DNAAF11: variants seen among roughly 807,000 people sequenced by gnomAD.
The protein encoded by DNAAF11 is dynein axonemal assembly factor 11, also known as leucine rich repeat containing 6.
DNAAF11 carries 45 observed loss-of-function variants against 60.8 expected under a neutral mutation model. That is an observed-to-expected ratio of 0.74 (90% CI 0.58 to 0.95). The LOEUF (loss-of-function observed/expected upper bound fraction) is 0.95, where lower values mean the gene tolerates loss of function less well. Ranked by LOEUF, DNAAF11 falls within the 40% of genes least tolerant of loss-of-function variation. The pLI, the probability that DNAAF11 is intolerant of heterozygous loss-of-function variation, is 0.00. For synonymous variants in DNAAF11, 191 were observed against 183.5 expected, an observed-to-expected ratio of 1.04 and a Z score of -0.33; for missense variants, 546 against 546.2, an observed-to-expected ratio of 1.00 and a Z score of 0.00.
intron 10 of DNAAF11, among the ~76,000 whole-genome samples, chr8:132,592,941 G>T (rs1039436086): frequency 3.9e-5 from 6 of 151,940 alleles, no homozygotes; most frequent in Non-Finnish European, 8.8e-5. Context: ...TGAAAATCCT[G>T]CAAATACATA....
intron 10 of DNAAF11, among the ~76,000 whole-genome samples, chr8:132,603,857 G>T (rs924795563): frequency 6.6e-6 from 1 of 152,100 alleles, no homozygotes; most frequent in Non-Finnish European, 1.5e-5. Flanking sequence ...ACTGCCAAAG[G>T]CGGGGGCGGA....
the DNAAF11 span, chr8:132,687,422 C>T: frequency 9.2e-6 from 3 of 324,942 alleles, no homozygotes; most frequent in Admixed American, 4.4e-5. Flanking sequence ...ATAATGAAGT[C>T]ATAATTATCC....
At chr8:132,642,105 C>G (rs1301819632) in intron 3 of DNAAF11, among the ~76,000 whole-genome samples, 2 of 152,084 alleles carry the variant, frequency 1.3e-5, no homozygotes, top group African/African-American at 4.8e-5. Context: ...TATATAAATA[C>G]AGAAAATACA....
intron 2 of DNAAF11, among the ~76,000 whole-genome samples, chr8:132,660,306 C>T (rs1459412579): frequency 3.3e-5 from 5 of 151,948 alleles, no homozygotes; most frequent in African/African-American, 4.8e-5. Context: ...ATACATGTGC[C>T]GTGCTGGTCT....
chr8:132,694,263 C>G, the DNAAF11 span, among the ~76,000 whole-genome samples: 1 of 152,172 alleles, frequency 6.6e-6, no homozygotes, highest in Non-Finnish European at 1.5e-5. Flanking sequence ...GTTGTGGACT[C>G]AGTTGTGTCC....
intron 4 of DNAAF11, among the ~76,000 whole-genome samples, chr8:132,636,212 T>G (rs1267645334): frequency 1.3e-5 from 2 of 151,194 alleles, no homozygotes; most frequent in South Asian, 2.1e-4. Flanking sequence ...AGTAAACATA[T>G]GAATACCATT....
intron 11 of DNAAF11, among the ~76,000 whole-genome samples, chr8:132,577,488 C>G (rs1814872675): frequency 6.6e-6 from 1 of 152,224 alleles, no homozygotes. Context: ...ATGCCAACAT[C>G]TCCCTGGGAA....
chr8:132,613,355 G>A (rs1180733387), intron 8 of DNAAF11, among the ~76,000 whole-genome samples: 1 of 152,182 alleles, frequency 6.6e-6, no homozygotes, highest in African/African-American at 2.4e-5. Context: ...GCCATAAAAA[G>A]GAAGGAAATT....
chr8:132,684,359 G>T, the DNAAF11 span, among the ~76,000 whole-genome samples: 2 of 152,326 alleles, frequency 1.3e-5, no homozygotes, highest in Admixed American at 6.5e-5. Context: ...TCACATGTAT[G>T]GAGCACTGCC....
chr8:132,581,597 C>A (rs1487098946), intron 11 of DNAAF11, among the ~76,000 whole-genome samples: 1 of 150,538 alleles, frequency 6.6e-6, no homozygotes, highest in African/African-American at 2.4e-5. Context: ...TTGCAGTGAC[C>A]CGAGATCCTG....
chr8:132,663,040 G>C (rs1393153300), intron 1 of DNAAF11, among the ~76,000 whole-genome samples: 1 of 152,202 alleles, frequency 6.6e-6, no homozygotes, highest in Non-Finnish European at 1.5e-5. Flanking sequence ...GAGGTTGAGA[G>C]ATTAAAATAC....
chr8:132,698,000 C>A, the DNAAF11 span, among the ~76,000 whole-genome samples: 2 of 151,972 alleles, frequency 1.3e-5, no homozygotes, highest in Admixed American at 6.5e-5. Flanking sequence ...TATCACAACA[C>A]CCCTGTGAGA....
chr8:132,609,723 C>T (rs751024037), intron 10 of DNAAF11, among the ~76,000 whole-genome samples: 5 of 152,158 alleles, frequency 3.3e-5, no homozygotes, highest in Non-Finnish European at 7.3e-5. Flanking sequence ...AGAATTGACA[C>T]ATCAGAAAGA....
chr8:132,698,957 C>T, the DNAAF11 span, among the ~76,000 whole-genome samples: 37,856 of 120,854 alleles, frequency 0.31, 5,423 homozygotes, highest in African/African-American at 0.4. Flanking sequence ...TATATATATA[C>T]ACACACACAC....
intron 8 of DNAAF11, among the ~76,000 whole-genome samples, chr8:132,612,862 C>T (rs1014026355): frequency 6.6e-6 from 1 of 152,144 alleles, no homozygotes; most frequent in African/African-American, 2.4e-5. Context: ...AGTTTTACTA[C>T]ATAGACTGGA....
intron 10 of DNAAF11, among the ~76,000 whole-genome samples, chr8:132,604,524 T>C (rs1817949139): frequency 6.6e-6 from 1 of 152,204 alleles, no homozygotes; most frequent in Admixed American, 6.6e-5. Context: ...CTGTAACTTG[T>C]CATTTAAGAA....
intron 3 of DNAAF11, among the ~76,000 whole-genome samples, chr8:132,648,181 C>G (rs1350779522): frequency 6.6e-6 from 1 of 152,166 alleles, no homozygotes; most frequent in Non-Finnish European, 1.5e-5. Context: ...GGGCTTCATC[C>G]CTGGGATGCA....
intron 1 of DNAAF11, among the ~76,000 whole-genome samples, chr8:132,666,619 C>G (rs1824655986): frequency 6.6e-6 from 1 of 152,056 alleles, no homozygotes; most frequent in Admixed American, 6.6e-5. Context: ...GACAGAGATA[C>G]AGAGCACACA....
chr8:132,626,252 C>T (rs1000572959), intron 5 of DNAAF11, among the ~76,000 whole-genome samples: 2 of 152,176 alleles, frequency 1.3e-5, no homozygotes, highest in East Asian at 1.9e-4. Context: ...GAGGTTTCAC[C>T]GTGTTAGCCA....
Sources: gnomAD v4.1 joint callset for allele counts (sites outside exome capture counted in the v4.1 genomes callset) on GRCh38, gnomAD v4.1.1 for gene constraint, MANE v1.5 for transcripts, NCBI Gene and HGNC (gene_info 2026-07-23, HGNC 2026-07-21) for gene names.